The following ST8SIA4 variants were observed in gnomAD, a reference collection of about 807,000 sequenced individuals.
ST8SIA4 encodes the protein ST8 alpha-N-acetyl-neuraminide alpha-2,8-sialyltransferase 4.
ST8SIA4 carries 15 observed loss-of-function variants against 33.9 expected under a neutral mutation model. The ratio of observed to expected loss-of-function variants is 0.44; its 90% CI spans 0.30 to 0.68. The LOEUF is 0.68. Among genes scored for constraint, ST8SIA4 ranks in the 30% least tolerant of loss-of-function variants. The pLI, the probability that ST8SIA4 is intolerant of heterozygous loss-of-function variation, is 0.10. For synonymous variants in ST8SIA4, 171 were observed against 151.2 expected (o/e 1.13, Z -0.96); for missense variants, 321 against 428.0 (o/e 0.75, Z 2.21).
In ST8SIA4 at chr5:100,891,195, G is replaced by C. The variant is rs191224644; in HGVS notation, c.245+4459C>G. On this transcript the variant is annotated intron_variant, in intron 2 of 4. Coordinates refer to ENST00000231461, the MANE Select transcript of ST8SIA4 (RefSeq NM_005668.6). ...AAATACTGTGTGACGAATCTTATAG[G>C]TGGAATGTATCACAAGTTGAGAAGC... Among the ~76,000 whole-genome samples, 241 of 151,952 alleles carry C rather than the reference G, an allele frequency of 1.6e-3. 1 individual carries two copies. Among genetic ancestry groups the C allele is most frequent in the Admixed American group, 4.4e-3 (67 of 15,246 alleles).
intron 4 of ST8SIA4, chr5:100,816,620 A>G (rs1318210175): frequency 1.2e-5 from 6 of 506,228 alleles, no homozygotes; most frequent in African/African-American, 1.0e-4. Context: ...CAAATGTGAC[A>G]ATTTCTAGAA....
At chr5:100,880,141 A>G (rs1752384983) in intron 3 of ST8SIA4, among the ~76,000 whole-genome samples, 1 of 151,750 alleles carries the variant, frequency 6.6e-6, no homozygotes, top group Non-Finnish European at 1.5e-5. Flanking sequence ...TTCTTACTAC[A>G]TGCCTTCTTG....
chr5:100,881,857 C>T (rs1752432179), intron 3 of ST8SIA4, among the ~76,000 whole-genome samples: 1 of 152,184 alleles, frequency 6.6e-6, no homozygotes, highest in South Asian at 2.1e-4. Context: ...TCTCTTGCCA[C>T]CGCCATGTAA....
At chr5:100,852,067 TC>T (rs200489810) in intron 4 of ST8SIA4, among the ~76,000 whole-genome samples, 3,325 of 150,122 alleles carry the variant, frequency 0.022, 47 homozygotes, top group Non-Finnish European at 0.031. Flanking sequence ...GACTTTGAAG[TC>T]CCCAAATCCC....
intron 4 of ST8SIA4, among the ~76,000 whole-genome samples, chr5:100,853,321 C>T (rs1040000956): frequency 6.6e-5 from 10 of 152,180 alleles, no homozygotes; most frequent in Admixed American, 2.6e-4. Context: ...GCCTTTCACA[C>T]GTACACCATG....
intron 4 of ST8SIA4, among the ~76,000 whole-genome samples, chr5:100,852,578 A>G (rs950197754): frequency 6.6e-6 from 1 of 152,282 alleles, no homozygotes; most frequent in Middle Eastern, 3.4e-3. Flanking sequence ...TGCAATTTAT[A>G]TATCTGATTT....
rs1752956451 is a variant in ST8SIA4, at chr5:100,903,005, T to C, written c.-50A>G. The C allele has an allele frequency of 7.4e-7, 1 of 1,351,286 alleles. No homozygotes were observed. The highest frequency in any genetic ancestry group is 1.2e-5 in the South Asian group (1 of 85,608). 83.7% of individuals were successfully genotyped at this position (1,351,286 alleles called of 1,614,324 possible). On this transcript the variant is annotated 5_prime_UTR_variant, in exon 1 of 5. Transcript: ENST00000231461. ...TTGCCCCAGCTCCCGCACCTTCTCTTGATATAAAGGCTCCGTTTTGGGGAG... is the reference window on the plus strand; with the variant it reads ...TTGCCCCAGCTCCCGCACCTTCTCTCGATATAAAGGCTCCGTTTTGGGGAG...
intron 3 of ST8SIA4, among the ~76,000 whole-genome samples, chr5:100,858,670 G>A (rs1751869713): frequency 1.3e-5 from 2 of 152,034 alleles, no homozygotes; most frequent in Non-Finnish European, 2.9e-5. Context: ...AAAGCAAAAA[G>A]AAGCTAATGG....
chr5:100,836,839 G>A (rs573160912), intron 4 of ST8SIA4, among the ~76,000 whole-genome samples: 1 of 151,954 alleles, frequency 6.6e-6, no homozygotes, highest in African/African-American at 2.4e-5. Context: ...ATCCATCAGA[G>A]AAAATTGCTA....
At chr5:100,853,887 G>A (rs553925073) in intron 4 of ST8SIA4, among the ~76,000 whole-genome samples, 120 of 152,128 alleles carry the variant, frequency 7.9e-4, no homozygotes, top group Middle Eastern at 6.8e-3. Context: ...GTAATCTTAA[G>A]TTTTCTCATT....
chr5:100,849,518 A>C, intron 4 of ST8SIA4: 3 of 945,794 alleles, frequency 3.2e-6, no homozygotes, highest in Non-Finnish European at 3.8e-6. Flanking sequence ...GCGGTGGCTC[A>C]CGCCTGTAAT....
intron 4 of ST8SIA4, among the ~76,000 whole-genome samples, chr5:100,827,105 CA>C (rs1454513545): frequency 6.6e-6 from 1 of 152,086 alleles, no homozygotes; most frequent in Non-Finnish European, 1.5e-5. Context: ...TAATTATATT[CA>C]CTGGGCTTCT....
chr5:100,877,185 C>A (rs1752324005), intron 3 of ST8SIA4, among the ~76,000 whole-genome samples: 1 of 152,040 alleles, frequency 6.6e-6, no homozygotes, highest in Non-Finnish European at 1.5e-5. Flanking sequence ...ACTGTAAAAC[C>A]AACCATCCAA....
At chr5:100,872,459 T>C (rs1414745534) in intron 3 of ST8SIA4, among the ~76,000 whole-genome samples, 13 of 152,146 alleles carry the variant, frequency 8.5e-5, no homozygotes, top group Admixed American at 8.5e-4. Context: ...AGGATTTAGC[T>C]GTGTCCCAAC....
chr5:100,861,078 T>C (rs1751930226), intron 3 of ST8SIA4, among the ~76,000 whole-genome samples: 1 of 152,172 alleles, frequency 6.6e-6, no homozygotes, highest in Admixed American at 6.6e-5. Flanking sequence ...AAATGGACTT[T>C]CATGTGGTAT....
intron 4 of ST8SIA4, among the ~76,000 whole-genome samples, chr5:100,840,808 G>A (rs1392369160): frequency 6.6e-6 from 1 of 150,586 alleles, no homozygotes; most frequent in East Asian, 1.9e-4. Context: ...AGTCCCCAAA[G>A]TTTTCTTATT....
chr5:100,817,860 G>C (rs1305115673), intron 4 of ST8SIA4, among the ~76,000 whole-genome samples: 1 of 152,190 alleles, frequency 6.6e-6, no homozygotes, highest in Non-Finnish European at 1.5e-5. Context: ...TAAAGGGACA[G>C]ACAGACATAT....
chr5:100,858,913 C>T lies in ST8SIA4; in HGVS notation c.504-2517G>A, dbSNP rs140438572. Among the ~76,000 whole-genome samples, 224 of 152,052 alleles carry T rather than the reference C, an allele frequency of 1.5e-3. 1 individual carries two copies. The highest frequency in any genetic ancestry group is 0.015 in the East Asian group (76 of 5,180). On this transcript the variant is annotated intron_variant, in intron 3 of 4. Transcript: ENST00000231461. ...ACAGAAGACACTTCATAAAATACAA[C>T]GCTTTGTGGTTTTAGGAGTCCAGCT...
chr5:100,899,324 T>G (rs747052996), intron 1 of ST8SIA4, among the ~76,000 whole-genome samples: 20 of 152,350 alleles, frequency 1.3e-4, no homozygotes, highest in East Asian at 5.8e-4. Context: ...GTTTCTACCT[T>G]AATTTATGAG....
Sources: gnomAD v4.1 joint callset for allele counts (sites outside exome capture counted in the v4.1 genomes callset) on GRCh38, gnomAD v4.1.1 for gene constraint, MANE v1.5 for transcripts, NCBI Gene and HGNC (gene_info 2026-07-23, HGNC 2026-07-21) for gene names.